The following GMDS variants were observed in gnomAD, a reference collection of about 807,000 sequenced individuals.
The protein encoded by GMDS is GDP-mannose 4,6-dehydratase, also known as GDP-mannose 4,6 dehydratase.
In GMDS, 20 loss-of-function variants were observed where a neutral mutation model predicts 49.9. The ratio of observed to expected loss-of-function variants is 0.40; its 90% CI spans 0.28 to 0.58. The LOEUF is 0.58. GMDS is among the 20% of genes least tolerant of loss of function. The pLI, the probability that GMDS is intolerant of heterozygous loss-of-function variation, is 0.42. For missense variants in GMDS, 362 were observed against 481.4 expected, an observed-to-expected ratio of 0.75 and a Z score of 2.32; for synonymous variants, 177 against 178.6, an observed-to-expected ratio of 0.99 and a Z score of 0.07.
Position 1,914,828 on chromosome 6 carries a change from A to C in GMDS, c.771+15275T>G, listed in dbSNP as rs1324805042. 7.2e-5 allele frequency among the ~76,000 whole-genome samples: 11 copies of C among 152,240 alleles called. No homozygotes were observed. In the South Asian group the frequency reaches 1.4e-3, roughly 20 times the overall value. ...ACATCCAGCCACTGGGCCTCCCTGA[A>C]GCACAGCAGTGTGGTCATGTACACA... On this transcript the variant is annotated intron_variant, in intron 7 of 10. Coordinates refer to ENST00000380815, the MANE Select transcript of GMDS (RefSeq NM_001500.4).
chr6:1,775,766 CG>C (rs1768777073), intron 7 of GMDS, among the ~76,000 whole-genome samples: 1 of 152,060 alleles, frequency 6.6e-6, no homozygotes, highest in Admixed American at 6.5e-5. Flanking sequence ...GTTCAAAACA[CG>C]GTTCTTTGAA....
At chr6:2,033,781 A>G (rs1769115253) in intron 4 of GMDS, among the ~76,000 whole-genome samples, 1 of 152,174 alleles carries the variant, frequency 6.6e-6, no homozygotes, top group African/African-American at 2.4e-5. Context: ...TAAAATGCAG[A>G]TTCTTGGGTT....
At chr6:1,699,919 G>A (rs987581480) in intron 9 of GMDS, among the ~76,000 whole-genome samples, 2 of 152,192 alleles carry the variant, frequency 1.3e-5, no homozygotes. Context: ...GCCTCCATAC[G>A]CAGAGGCAGC....
chr6:2,230,827 C>G (rs2295007), intron 1 of GMDS, among the ~76,000 whole-genome samples: 8,157 of 151,516 alleles, frequency 0.054, 346 homozygotes, highest in East Asian at 0.21. Context: ...AAAAGCAAAA[C>G]TTTAACAAAA....
At chr6:1,770,092 G>T (rs954681618) in intron 7 of GMDS, among the ~76,000 whole-genome samples, 3 of 152,118 alleles carry the variant, frequency 2.0e-5, no homozygotes, top group African/African-American at 7.2e-5. Flanking sequence ...ACAACATTTT[G>T]GGGTTCTCTG....
At chr6:1,700,634 C>T (rs572375152) in intron 9 of GMDS, among the ~76,000 whole-genome samples, 178 of 152,292 alleles carry the variant, frequency 1.2e-3, no homozygotes, top group African/African-American at 3.9e-3. Context: ...AATATTGGGA[C>T]ACTGATTTGA....
intron 4 of GMDS, among the ~76,000 whole-genome samples, chr6:2,080,911 A>C (rs891760552): frequency 5.3e-5 from 8 of 152,168 alleles, no homozygotes; most frequent in Non-Finnish European, 1.2e-4. Flanking sequence ...AATACTGCTG[A>C]TATTCAACTA....
chr6:1,960,082 T>C (rs961425825), intron 5 of GMDS, 111 bp from the exon 6 acceptor site: 2 of 555,290 alleles, frequency 3.6e-6, no homozygotes, highest in Middle Eastern at 2.9e-4. Flanking sequence ...TGCATCCAAA[T>C]ACAAAAAAGT....
intron 4 of GMDS, among the ~76,000 whole-genome samples, chr6:2,048,023 T>C (rs1372260910): frequency 1.3e-5 from 2 of 152,146 alleles, no homozygotes; most frequent in Non-Finnish European, 2.9e-5. Context: ...CACTAAAAAA[T>C]GTATGGTGCA....
In GMDS at chr6:2,022,497, T is replaced by G. The variant is rs9378318; in HGVS notation, c.346-61531A>C. On this transcript the variant is annotated intron_variant, in intron 4 of 10. Transcript: ENST00000380815. ...AACACGAATTCAATGATTTTTAAAATTCAAATTTTAAAAGAAAAGGAGTGG... is the reference window on the plus strand; with the variant it reads ...AACACGAATTCAATGATTTTTAAAAGTCAAATTTTAAAAGAAAAGGAGTGG... Among the ~76,000 whole-genome samples the G allele has an allele frequency of 6.1e-4, 93 of 152,312 alleles. 1 individual carries two copies. In the East Asian group the frequency reaches 0.016, roughly 27 times the overall value.
At chr6:2,141,328 C>T (rs1007358829) in intron 1 of GMDS, among the ~76,000 whole-genome samples, 4 of 152,174 alleles carry the variant, frequency 2.6e-5, no homozygotes, top group South Asian at 2.1e-4. Context: ...CAAAACTGAC[C>T]AGCTTCCACA....
At chr6:1,754,487 C>G (rs1767863983) in intron 7 of GMDS, among the ~76,000 whole-genome samples, 1 of 152,174 alleles carries the variant, frequency 6.6e-6, no homozygotes, top group Non-Finnish European at 1.5e-5. Flanking sequence ...TGAAACTATT[C>G]CAAGCAAGAG....
chr6:1,948,281 C>T (rs997755204), intron 6 of GMDS, among the ~76,000 whole-genome samples: 2 of 152,272 alleles, frequency 1.3e-5, no homozygotes, highest in East Asian at 3.9e-4. Flanking sequence ...AAAGTTTTGA[C>T]TCAAACTAAA....
intron 7 of GMDS, among the ~76,000 whole-genome samples, chr6:1,863,319 C>A (rs1201281134): frequency 6.6e-6 from 1 of 152,106 alleles, no homozygotes; most frequent in Non-Finnish European, 1.5e-5. Flanking sequence ...TACGATTTCA[C>A]TTCAGAGGGT....
At position 2,147,517 on chromosome 6, in the gene GMDS, G is replaced by A. The variant is rs527339490; in HGVS notation, c.103-22786C>T. Among the ~76,000 whole-genome samples the A allele has an allele frequency of 9.2e-5, 14 of 151,936 alleles. No individual in the cohort carries two copies. The East Asian group carries it at 1.4e-3, about 15-fold the overall frequency. On this transcript the variant is annotated intron_variant, in intron 1 of 10. Coordinates refer to ENST00000380815, the MANE Select transcript of GMDS (RefSeq NM_001500.4). ...ATGGGGAAGGAAAGACCTAGACATC[G>A]GACTCCTATAATTTTGAAACCTTAG...
intron 6 of GMDS, among the ~76,000 whole-genome samples, chr6:1,936,608 C>T (rs1050229532): frequency 6.6e-6 from 1 of 152,174 alleles, no homozygotes; most frequent in African/African-American, 2.4e-5. Context: ...TCCCATATAG[C>T]ACCACACGCC....
chr6:2,005,153 A>G (rs1277695350), intron 4 of GMDS, among the ~76,000 whole-genome samples: 1 of 152,104 alleles, frequency 6.6e-6, no homozygotes, highest in African/African-American at 2.4e-5. Context: ...TTTTTCAGAG[A>G]CTGTTACTGT....
At chr6:1,750,257 T>C (rs1767666456) in intron 7 of GMDS, among the ~76,000 whole-genome samples, 1 of 152,212 alleles carries the variant, frequency 6.6e-6, no homozygotes, top group Non-Finnish European at 1.5e-5. Context: ...AATGAAAATG[T>C]CCTTATATTT....
At chr6:1,817,493 G>T (rs1425030815) in intron 7 of GMDS, among the ~76,000 whole-genome samples, 1 of 152,198 alleles carries the variant, frequency 6.6e-6, no homozygotes, top group African/African-American at 2.4e-5. Context: ...GGGTTTGAGT[G>T]AAGTGATATA....
Sources: allele counts gnomAD v4.1 joint callset (sites outside exome capture counted in the v4.1 genomes callset), GRCh38; gene constraint gnomAD v4.1.1; transcripts MANE v1.5; gene names NCBI Gene and HGNC (gene_info 2026-07-23, HGNC 2026-07-21).